PHF2: variants seen among roughly 807,000 people sequenced by gnomAD.
PHF2 encodes PHD finger protein 2.
A neutral mutation model predicts 120.5 loss-of-function variants in PHF2; 27 were observed. The ratio of observed to expected loss-of-function variants is 0.22; its 90% confidence interval spans 0.17 to 0.31. The LOEUF (loss-of-function observed/expected upper bound fraction) is 0.31, where lower values mean the gene tolerates loss of function less well. PHF2 is among the 10% of genes least tolerant of loss of function. The pLI is 1.00. For synonymous variants in PHF2, 568 were observed against 592.5 expected, an observed-to-expected ratio of 0.96 and a Z score of 0.60; for missense variants, 1,024 against 1,434.8, an observed-to-expected ratio of 0.71 and a Z score of 4.63.
At chr9:93,651,878 C>T (rs1430720349) in intron 5 of PHF2, among the ~76,000 whole-genome samples, 1 of 152,184 alleles carries the variant, frequency 6.6e-6, no homozygotes, top group Non-Finnish European at 1.5e-5. Context: ...GTTTGAAGGA[C>T]ATGGCTGGAG....
intron 1 of PHF2, among the ~76,000 whole-genome samples, chr9:93,609,114 G>A (rs901901858): frequency 1.7e-4 from 15 of 87,146 alleles, no homozygotes; most frequent in African/African-American, 4.3e-4. Context: ...TAAAATGTGC[G>A]ATATACGTTT....
At chr9:93,636,822 C>T (rs1238051143) in intron 3 of PHF2, among the ~76,000 whole-genome samples, 1 of 152,242 alleles carries the variant, frequency 6.6e-6, no homozygotes, top group Non-Finnish European at 1.5e-5. Context: ...GTATGCCCAG[C>T]ACATGCCAGG....
chr9:93,671,215 TGTAGTTG>T (rs1826780186), intron 17 of PHF2: 1 of 970,922 alleles, frequency 1.0e-6, no homozygotes, highest in Non-Finnish European at 1.2e-6. Context: ...TAGGCACAGG[TGTAGTTG>T]CAGGTGTGTG....
chr9:93,644,065 G>T (rs112417547), intron 3 of PHF2, among the ~76,000 whole-genome samples: 9 of 152,070 alleles, frequency 5.9e-5, no homozygotes, highest in African/African-American at 2.2e-4. Flanking sequence ...TGGACAACCC[G>T]CAGACTACAC....
At chr9:93,581,327 C>T (rs115803919) in intron 1 of PHF2, among the ~76,000 whole-genome samples, 11 of 152,220 alleles carry the variant, frequency 7.2e-5, no homozygotes, top group South Asian at 4.2e-4. Flanking sequence ...AGTGTGTGTG[C>T]GAGAGGGAAG....
At position 93,667,257 on chromosome 9, in the gene PHF2, G is replaced by A. The variant is rs780811999; in HGVS notation, c.2348+17G>A. 1.4e-5 allele frequency: 22 copies of A among 1,603,316 alleles called. No individual in the cohort carries two copies. Among genetic ancestry groups the A allele is most frequent in the Middle Eastern group, 1.7e-4 (1 of 6,038 alleles). On this transcript the variant is annotated intron_variant, in intron 17 of 21. Coordinates refer to ENST00000359246, the MANE Select transcript of PHF2 (RefSeq NM_005392.4). ...CCCCAGCAGGTGGGCCCCACCACCC[G>A]GCAGCACCCAAGAGCGGGGACCAGG...
Position 93,666,153 on chromosome 9 carries a change from G to A in PHF2, c.2187+93G>A, listed in dbSNP as rs1196475460. The A allele has an allele frequency of 1.5e-5, 20 of 1,341,526 alleles. 1 individual carries two copies. Among genetic ancestry groups the A allele is most frequent in the Non-Finnish European group, 2.1e-5 (20 of 957,356 alleles). The allele number at this position is 1,341,526 out of a possible 1,614,324, so 83.1% of individuals were successfully genotyped here. On this transcript the variant is annotated intron_variant, in intron 16 of 21. Transcript: ENST00000359246. ...TGAGTGACTCCAGGGCGGTCTCTGG[G>A]GGTGTTTCTGCATGAGATGGCAAAG... is the stretch of plus-strand genomic sequence containing the variant.
At chr9:93,637,206 A>G (rs1289944066) in intron 3 of PHF2, among the ~76,000 whole-genome samples, 1 of 152,200 alleles carries the variant, frequency 6.6e-6, no homozygotes, top group Non-Finnish European at 1.5e-5. Context: ...CCCTTCTTGC[A>G]TGTGTGATTT....
chr9:93,613,861 A>T (rs1184855356), intron 1 of PHF2, among the ~76,000 whole-genome samples: 2 of 152,170 alleles, frequency 1.3e-5, no homozygotes, highest in African/African-American at 4.8e-5. Context: ...GGCATGAGCC[A>T]CCACACCTGG....
In PHF2 at chr9:93,656,210, C is replaced by T. The variant is rs968832629; in HGVS notation, c.1040+189C>T. Among the ~76,000 whole-genome samples the T allele has an allele frequency of 2.0e-5, 3 of 152,172 alleles. No homozygotes were observed. Among genetic ancestry groups the T allele is most frequent in the South Asian group, 2.1e-4 (1 of 4,826 alleles). Reference sequence around the variant, plus strand: ...GGAGGAGGTGGGCCCTGGGTTCATGCAGGCCGGCTCCTCAAGGGACCTGGC... The same window carrying T: ...GGAGGAGGTGGGCCCTGGGTTCATGTAGGCCGGCTCCTCAAGGGACCTGGC... On this transcript the variant is annotated intron_variant, in intron 8 of 21. Transcript: ENST00000359246. This position sits in a 1 kb window ranked among gnomAD's most constrained non-coding sequence, Gnocchi z 4.1.
At chr9:93,622,202 G>A (rs1825837391) in intron 1 of PHF2, among the ~76,000 whole-genome samples, 2 of 152,220 alleles carry the variant, frequency 1.3e-5, no homozygotes, top group African/African-American at 4.8e-5. Context: ...TACATTCACA[G>A]GCACTGCTGG....
chr9:93,607,940 T>TGAGAGAGAGAGA (rs138717280), intron 1 of PHF2, among the ~76,000 whole-genome samples: 86 of 128,404 alleles, frequency 6.7e-4, no homozygotes, highest in African/African-American at 1.0e-3. Flanking sequence ...GGGAAAGAGA[T>TGAGAGAGAGAGA]GAGAGAGAGA....
At chr9:93,631,576 G>A (rs1213133180) in intron 2 of PHF2, among the ~76,000 whole-genome samples, 3 of 152,238 alleles carry the variant, frequency 2.0e-5, no homozygotes, top group Non-Finnish European at 4.4e-5. Context: ...GTTCAGCCCA[G>A]CGGGGCATCC....
intron 1 of PHF2, among the ~76,000 whole-genome samples, chr9:93,604,832 C>G (rs1239455530): frequency 1.5e-5 from 2 of 129,654 alleles, no homozygotes; most frequent in African/African-American, 5.8e-5. Flanking sequence ...TCCTTGAATT[C>G]TGAGCCTTTT....
rs560111570 is a variant in PHF2 at position 93,592,155 on chromosome 9, C to T, written c.98+15284C>T. Among the ~76,000 whole-genome samples, 38 of 152,312 alleles carry T rather than the reference C, an allele frequency of 2.5e-4. No individual in the cohort carries two copies. In the East Asian group the frequency reaches 6.8e-3, roughly 27 times the overall value. On this transcript the variant is annotated intron_variant, in intron 1 of 21. Coordinates refer to ENST00000359246, the MANE Select transcript of PHF2 (RefSeq NM_005392.4). ...GGCAGGGCCAGGGGCTCTCAGTGTGCACCTCCCAGGAGCCCTTTTTCACTG... is the reference window on the plus strand; with the variant it reads ...GGCAGGGCCAGGGGCTCTCAGTGTGTACCTCCCAGGAGCCCTTTTTCACTG...
chr9:93,655,631 T>A (rs1226285939), intron 7 of PHF2, among the ~76,000 whole-genome samples: 2 of 152,218 alleles, frequency 1.3e-5, no homozygotes, highest in Non-Finnish European at 2.9e-5. Context: ...GGGCCTCGGT[T>A]TCCCTGTCTG....
intron 1 of PHF2, among the ~76,000 whole-genome samples, chr9:93,588,793 A>G (rs1863114241): frequency 6.6e-6 from 1 of 152,194 alleles, no homozygotes; most frequent in South Asian, 2.1e-4. Context: ...TGGGAGGCTG[A>G]GGCAGGAGAA....
intron 1 of PHF2, among the ~76,000 whole-genome samples, chr9:93,592,085 G>T (rs1825238106): frequency 6.6e-6 from 1 of 152,196 alleles, no homozygotes; most frequent in African/African-American, 2.4e-5. Context: ...GGACACCTTG[G>T]TCCCCATTCT....
chr9:93,677,750 G>A lies in PHF2; in HGVS notation c.*74G>A. 8.6e-7 allele frequency: 1 copy of A among 1,163,552 alleles called. No homozygotes were observed. The highest frequency in any genetic ancestry group is 1.3e-6 in the Non-Finnish European group (1 of 785,588). 72.1% of individuals were successfully genotyped at this position (1,163,552 alleles called of 1,614,324 possible). On this transcript the variant is annotated 3_prime_UTR_variant, in exon 22 of 22. Coordinates refer to ENST00000359246, the MANE Select transcript of PHF2 (RefSeq NM_005392.4). The surrounding 1 kb of genome is among the most constrained non-coding windows in gnomAD (Gnocchi z 4.4). Reference sequence around the variant, plus strand: ...CCGCGAAAACATCTGCCTCCCAGGAGGGTGCCGAGCTGCCTCACCAGGGAG... The same window carrying A: ...CCGCGAAAACATCTGCCTCCCAGGAAGGTGCCGAGCTGCCTCACCAGGGAG...
Sources: gnomAD v4.1 joint callset for allele counts (sites outside exome capture counted in the v4.1 genomes callset) on GRCh38, gnomAD v4.1.1 for gene constraint, Gnocchi (gnomAD v3.1) non-coding constraint, MANE v1.5 for transcripts, NCBI Gene and HGNC (gene_info 2026-07-23, HGNC 2026-07-21) for gene names.